SLC30A6: variants seen among roughly 807,000 people sequenced by gnomAD.
SLC30A6 encodes the protein solute carrier family 30 member 6.
Under a neutral mutation model 63.0 loss-of-function variants are expected in SLC30A6, and 55 were observed. The observed-to-expected ratio is 0.87, with a 90% CI of 0.70 to 1.09. The LOEUF is 1.09. Among genes scored for constraint, SLC30A6 ranks in the 50% least tolerant of loss-of-function variants. SLC30A6 has a pLI of 0.00. For missense variants in SLC30A6, 587 were observed against 549.2 expected, an observed-to-expected ratio of 1.07 and a Z score of -0.69; for synonymous variants, 224 against 186.1, an observed-to-expected ratio of 1.20 and a Z score of -1.66.
intron 5 of SLC30A6, among the ~76,000 whole-genome samples, chr2:32,187,980 T>A (rs995717048): frequency 1.3e-5 from 2 of 152,158 alleles, no homozygotes; most frequent in Admixed American, 1.3e-4. Flanking sequence ...ATATTATCCC[T>A]CTCCCCTTAA....
intron 1 of SLC30A6, among the ~76,000 whole-genome samples, chr2:32,171,040 T>G (rs1303394176): frequency 6.6e-6 from 1 of 152,218 alleles, no homozygotes; most frequent in Non-Finnish European, 1.5e-5. Context: ...TGGGTTTGAA[T>G]TTCTGCTCAG....
chr2:32,173,923 A>T, intron 2 of SLC30A6, 140 bp from the exon 3 acceptor site: 1 of 543,562 alleles, frequency 1.8e-6, no homozygotes, highest in Non-Finnish European at 3.2e-6. Context: ...ATTTTGGTAG[A>T]TGTAGAAAGT....
chr2:32,170,204 C>T (rs1391405691), intron 1 of SLC30A6, among the ~76,000 whole-genome samples: 2 of 152,156 alleles, frequency 1.3e-5, no homozygotes, highest in Non-Finnish European at 2.9e-5. Flanking sequence ...AGACTTTCTT[C>T]AGTCAAGTAC....
At chr2:32,192,859 T>G (rs563652176) in intron 6 of SLC30A6, 59 bp from the exon 7 acceptor site, 18 of 1,114,298 alleles carry the variant, frequency 1.6e-5, no homozygotes, top group Non-Finnish European at 2.3e-5. Flanking sequence ...ATATATTTAA[T>G]AAAGCTTTTT....
chr2:32,203,765 C>G, intron 10 of SLC30A6: 6 of 1,500,884 alleles, frequency 4.0e-6, no homozygotes, highest in South Asian at 3.4e-5. Context: ...TGGATATTCT[C>G]AGTGCCAGCC....
chr2:32,174,490 G>T (rs1681533749), intron 3 of SLC30A6, among the ~76,000 whole-genome samples: 1 of 150,778 alleles, frequency 6.6e-6, no homozygotes, highest in South Asian at 2.1e-4. Context: ...ACAATGCCTG[G>T]CCATTTTCAT....
intron 4 of SLC30A6, among the ~76,000 whole-genome samples, chr2:32,177,900 A>AT (rs554078284): frequency 1.0e-3 from 151 of 148,876 alleles, no homozygotes; most frequent in African/African-American, 3.4e-3. Context: ...AAGTGCTAAG[A>AT]TTATGGGCGT....
At position 32,196,684 on chromosome 2, in the gene SLC30A6, G is replaced by A. The variant is rs189495061; in HGVS notation, c.497-660G>A. ...GTATCATGTTGGTGCTCAAAGTTGT[G>A]GATTTTTGGTTTTCAGATTTGGGAT... On this transcript the variant is annotated intron_variant, in intron 8 of 13. Transcript: ENST00000282587. 2.4e-3 allele frequency among the ~76,000 whole-genome samples: 367 copies of A among 152,254 alleles called. 3 individuals are homozygous for A. Among genetic ancestry groups the A allele is most frequent in the Admixed American group, 5.6e-3 (86 of 15,290 alleles).
chr2:32,182,197 A>G (rs1244552605), intron 4 of SLC30A6, among the ~76,000 whole-genome samples: 1 of 152,032 alleles, frequency 6.6e-6, no homozygotes, highest in Admixed American at 6.6e-5. Flanking sequence ...CTGACCTCCC[A>G]AAGTGCTAGG....
chr2:32,209,419 T>G, intron 12 of SLC30A6, 74 bp from the exon 13 acceptor site: 1 of 1,191,624 alleles, frequency 8.4e-7, no homozygotes, highest in East Asian at 2.5e-5. Flanking sequence ...TTAAACTAAG[T>G]CCATAATGTG....
chr2:32,199,008 C>G (rs1684039364), intron 10 of SLC30A6, among the ~76,000 whole-genome samples: 1 of 152,160 alleles, frequency 6.6e-6, no homozygotes, highest in African/African-American at 2.4e-5. Context: ...CTCACAGCCC[C>G]TGGAAACCAC....
intron 13 of SLC30A6, among the ~76,000 whole-genome samples, chr2:32,215,522 T>A (rs959155269): frequency 0.02 from 2,696 of 137,654 alleles, 57 homozygotes; most frequent in South Asian, 0.053. Context: ...ATATATTTTT[T>A]TTTTTTTTTT....
Position 32,171,290 on chromosome 2 carries a change from A to C in SLC30A6, c.7A>C (p.Thr3Pro), listed in dbSNP as rs781644651. MGTIHLFRKPQRS... is the reference protein window; with the variant it reads MGPIHLFRKPQRS... ...TTTGTATATGTTTGTTTGAAAGGGG[A>C]CAATTCATCTCTTTCGAAAACCACA... is the stretch of plus-strand genomic sequence containing the variant. Residue 3 changes from threonine to proline, a missense_variant, in exon 2 of 14, where the codon ACA becomes CCA. Thr to Pro is a conservative substitution (Grantham distance 38). Transcript: ENST00000282587. The C allele has an allele frequency of 6.2e-7, 1 of 1,613,196 alleles. No homozygotes were observed. The highest frequency in any genetic ancestry group is 8.5e-7 in the Non-Finnish European group (1 of 1,179,336).
At chr2:32,174,774 G>A (rs1001822213) in intron 3 of SLC30A6, among the ~76,000 whole-genome samples, 9 of 147,444 alleles carry the variant, frequency 6.1e-5, no homozygotes, top group African/African-American at 2.0e-4. Flanking sequence ...GGATGGTCTC[G>A]ATCTCCTGAC....
At chr2:32,180,577 C>T (rs1197517147) in intron 4 of SLC30A6, among the ~76,000 whole-genome samples, 1 of 152,018 alleles carries the variant, frequency 6.6e-6, no homozygotes, top group African/African-American at 2.4e-5. Context: ...GGATTACAGG[C>T]ACCCACCACC....
chr2:32,213,642 T>G (rs766925109), intron 13 of SLC30A6, among the ~76,000 whole-genome samples: 20 of 152,176 alleles, frequency 1.3e-4, no homozygotes, highest in Non-Finnish European at 2.6e-4. Context: ...TTTCAAACAC[T>G]GCCACCACTG....
At chr2:32,220,126 C>T (rs142284406) in intron 13 of SLC30A6, 87 bp from the exon 14 acceptor site, 1 of 1,434,504 alleles carries the variant, frequency 7.0e-7, no homozygotes, top group African/African-American at 1.4e-5. Flanking sequence ...AGGAACTTAC[C>T]AAATCATAAA....
chr2:32,206,556 A>G (rs1410521503), intron 11 of SLC30A6, among the ~76,000 whole-genome samples: 3 of 152,226 alleles, frequency 2.0e-5, no homozygotes, highest in Admixed American at 6.5e-5. Context: ...TCCAGAAAAA[A>G]TAAAAATAAG....
chr2:32,192,149 T>C (rs1320340773), intron 5 of SLC30A6, among the ~76,000 whole-genome samples, 187 bp from the exon 6 acceptor site: 1 of 152,122 alleles, frequency 6.6e-6, no homozygotes, highest in Admixed American at 6.6e-5. Context: ...AGGTACTCCT[T>C]GGAATCTGTG....
Sources: allele counts gnomAD v4.1 joint callset (sites outside exome capture counted in the v4.1 genomes callset), GRCh38; gene constraint gnomAD v4.1.1; transcripts MANE v1.5; gene names NCBI Gene and HGNC (gene_info 2026-07-23, HGNC 2026-07-21).